PTCHD4: variants seen among roughly 807,000 people sequenced by gnomAD.
The protein encoded by PTCHD4 is patched domain containing 4.
In PTCHD4, 33 loss-of-function variants were observed where a neutral mutation model predicts 58.1. The ratio of observed to expected loss-of-function variants is 0.57; its 90% confidence interval spans 0.43 to 0.76. PTCHD4 has a LOEUF of 0.76. Ranked by LOEUF, PTCHD4 falls within the 30% of genes least tolerant of loss-of-function variation. The pLI, the probability that PTCHD4 is intolerant of heterozygous loss-of-function variation, is 0.00. For missense variants in PTCHD4, 1,058 were observed against 1,027.1 expected (o/e 1.03, Z -0.41); for synonymous variants, 478 against 409.6 (o/e 1.17, Z -2.02).
chr6:48,007,940 A>ATG (rs1562003371), intron 4 of PTCHD4, among the ~76,000 whole-genome samples: 2 of 20,520 alleles, frequency 9.7e-5, no homozygotes, highest in African/African-American at 4.6e-4. Context: ...GCGCGCGCAC[A>ATG]CACACACACA....
chr6:47,871,923 T>C lies in PTCHD4; in HGVS notation c.*6380A>G, dbSNP rs1022580250. Among the ~76,000 whole-genome samples the C allele has an allele frequency of 4.6e-5, 7 of 151,704 alleles. No homozygotes were observed. The highest frequency in any genetic ancestry group is 2.0e-4 in the Admixed American group (3 of 15,184). ...GTTTAAGGTCTAGTTTATCAGTTTG[T>C]AGCACATTTATGTTTGTGAAGAAAA... is the stretch of plus-strand genomic sequence containing the variant. On this transcript the variant is annotated 3_prime_UTR_variant, in exon 5 of 5. Transcript: ENST00000339488.
chr6:47,915,827 G>A (rs1208776330), intron 4 of PTCHD4, among the ~76,000 whole-genome samples: 2 of 152,056 alleles, frequency 1.3e-5, no homozygotes, highest in Non-Finnish European at 2.9e-5. Flanking sequence ...CACAAAATCA[G>A]TAACAAAGGC....
intron 3 of PTCHD4, among the ~76,000 whole-genome samples, chr6:48,021,262 C>G (rs889768688): frequency 6.6e-6 from 1 of 151,782 alleles, no homozygotes; most frequent in African/African-American, 2.4e-5. Flanking sequence ...AGTATTTTAC[C>G]TCTAAAAGTG....
intron 1 of PTCHD4, among the ~76,000 whole-genome samples, chr6:48,108,382 C>T (rs1765789069): frequency 6.6e-6 from 1 of 151,888 alleles, no homozygotes; most frequent in African/African-American, 2.4e-5. Context: ...TGTTCTCACT[C>T]ATAGGTGGGA....
chr6:47,929,024 G>A (rs765579759), intron 4 of PTCHD4, among the ~76,000 whole-genome samples: 3 of 151,370 alleles, frequency 2.0e-5, no homozygotes, highest in Non-Finnish European at 4.4e-5. Context: ...TTTTCAAATT[G>A]TCTGGTTCTA....
chr6:48,038,663 CAAA>C (rs11417903), intron 3 of PTCHD4, among the ~76,000 whole-genome samples: 2 of 120,130 alleles, frequency 1.7e-5, no homozygotes, highest in Non-Finnish European at 3.4e-5. Context: ...AAGTCTGTCT[CAAA>C]AAAAAAAAAA....
intron 4 of PTCHD4, among the ~76,000 whole-genome samples, chr6:47,903,023 A>G (rs984672487): frequency 2.6e-4 from 40 of 152,304 alleles, no homozygotes; most frequent in African/African-American, 9.4e-4. Context: ...GGAAAAAGGT[A>G]CAAGTTGTCT....
chr6:47,933,519 A>G (rs1213004403), intron 4 of PTCHD4, among the ~76,000 whole-genome samples: 1 of 152,224 alleles, frequency 6.6e-6, no homozygotes, highest in Admixed American at 6.5e-5. Context: ...AAATCTCAAT[A>G]AGGAACCAAA....
intron 4 of PTCHD4, among the ~76,000 whole-genome samples, chr6:47,890,492 G>A (rs1764343641): frequency 6.6e-6 from 1 of 152,116 alleles, no homozygotes; most frequent in South Asian, 2.1e-4. Context: ...CTGTAAAAAA[G>A]GGTGACAGTG....
chr6:48,035,890 T>C (rs115905711), intron 3 of PTCHD4, among the ~76,000 whole-genome samples: 6 of 152,158 alleles, frequency 3.9e-5, no homozygotes, highest in Non-Finnish European at 8.8e-5. Flanking sequence ...ATTCGCACTT[T>C]CGTTGGTTGT....
rs945986282 is a variant in PTCHD4, at chr6:47,865,048, T to C, written c.*13255A>G. ...AGCATAAATCACCTGAACTGCTAAA[T>C]TCCCTGAAATGCAAATAAATCTCAA... On this transcript the variant is annotated 3_prime_UTR_variant, in exon 5 of 5. Coordinates refer to ENST00000339488, the MANE Select transcript of PTCHD4 (RefSeq NM_001384253.1). Among the ~76,000 whole-genome samples, 1 of 151,878 alleles carries C rather than the reference T, an allele frequency of 6.6e-6. No homozygotes were observed. The highest frequency in any genetic ancestry group is 1.5e-5 in the Non-Finnish European group (1 of 67,902).
chr6:48,042,646 C>A (rs926900121), intron 3 of PTCHD4, among the ~76,000 whole-genome samples: 1 of 151,844 alleles, frequency 6.6e-6, no homozygotes, highest in Non-Finnish European at 1.5e-5. Context: ...TTTTATTATT[C>A]AAGATGCTGT....
chr6:47,961,626 C>T (rs1265689723), intron 4 of PTCHD4, among the ~76,000 whole-genome samples: 1 of 152,034 alleles, frequency 6.6e-6, no homozygotes, highest in Admixed American at 6.6e-5. Context: ...AGAATACTAT[C>T]AGGGATAGTA....
At chr6:48,019,892 T>C (rs1763005805) in intron 3 of PTCHD4, among the ~76,000 whole-genome samples, 1 of 152,102 alleles carries the variant, frequency 6.6e-6, no homozygotes. Flanking sequence ...ATATCAATTA[T>C]CCAAATAAAG....
rs780702757 is a variant in PTCHD4, at chr6:48,068,795, A to G, written c.6-154T>C. The stretch of plus-strand genomic sequence containing the variant: ...CTCCGCCTGGTCTTTCCCCGGCCCC[A>G]CCTCCATGCGCTCCTACTACTCTTT... On this transcript the variant is annotated intron_variant, in intron 2 of 4. Coordinates refer to ENST00000339488, the MANE Select transcript of PTCHD4 (RefSeq NM_001384253.1). This position sits in a 1 kb window ranked among gnomAD's most constrained non-coding sequence, Gnocchi z 4.2. 11 of 648,348 alleles carry G rather than the reference A, an allele frequency of 1.7e-5. No homozygotes were observed. The highest frequency in any genetic ancestry group is 2.8e-5 in the Non-Finnish European group (11 of 392,446). 40.2% of individuals were successfully genotyped at this position (648,348 alleles called of 1,614,324 possible).
intron 3 of PTCHD4, among the ~76,000 whole-genome samples, chr6:48,018,353 T>C (rs576912243): frequency 1.3e-5 from 2 of 152,280 alleles, no homozygotes; most frequent in East Asian, 3.9e-4. Context: ...TCATTGGTGG[T>C]AAAGTCATTA....
At chr6:47,953,069 T>TAGGATG (rs59654055) in intron 4 of PTCHD4, among the ~76,000 whole-genome samples, 150,714 of 151,648 alleles carry the variant, frequency 0.99, 74,890 homozygotes, top group Middle Eastern at 1. Context: ...ATAATTGTGA[T>TAGGATG]AGGATGAGGA....
intron 4 of PTCHD4, among the ~76,000 whole-genome samples, chr6:47,968,893 A>G (rs1767399274): frequency 1.3e-5 from 2 of 152,290 alleles, no homozygotes; most frequent in South Asian, 2.1e-4. Flanking sequence ...TGGGCTGTAC[A>G]TTATTCACTG....
At position 48,009,027 on chromosome 6, in the gene PTCHD4, C is replaced by A. The variant is rs771245624; in HGVS notation, c.505G>T (p.Ala169Ser). 1 of 1,613,922 alleles carries A rather than the reference C, an allele frequency of 6.2e-7. No individual in the cohort carries two copies. ...TGGAGGTAGTAGGTGATTTGAATGGCTCTGGCTGACTTGACCCGCTGATCT... is the reference window on the plus strand; with the variant it reads ...TGGAGGTAGTAGGTGATTTGAATGGATCTGGCTGACTTGACCCGCTGATCT... Reference protein sequence around the residue: ...SKDQRVKSARAIQITYYLQTY... With the variant: ...SKDQRVKSARSIQITYYLQTY... The change falls in exon 4 of 5, where the codon GCC (alanine) becomes TCC (serine). Residue 169 changes from alanine to serine, a missense_variant. Transcript: ENST00000339488.
Sources: gnomAD v4.1 joint callset for allele counts (sites outside exome capture counted in the v4.1 genomes callset) on GRCh38, gnomAD v4.1.1 for gene constraint, Gnocchi (gnomAD v3.1) non-coding constraint, MANE v1.5 for transcripts, NCBI Gene and HGNC (gene_info 2026-07-23, HGNC 2026-07-21) for gene names.